NCKAP5: variants seen among roughly 807,000 people sequenced by gnomAD.
NCKAP5 encodes the protein NCK associated protein 5, also known as nck-associated protein 5.
Under a neutral mutation model 167.0 loss-of-function variants are expected in NCKAP5, and 92 were observed. The ratio of observed to expected loss-of-function variants is 0.55; its 90% CI spans 0.47 to 0.66. The LOEUF (loss-of-function observed/expected upper bound fraction) is 0.66. NCKAP5 is among the 30% of genes least tolerant of loss of function. The pLI is 0.00. For synonymous variants in NCKAP5, 891 were observed against 877.4 expected, an observed-to-expected ratio of 1.02 and a Z score of -0.27; for missense variants, 2,378 against 2,315.0, an observed-to-expected ratio of 1.03 and a Z score of -0.56.
intron 11 of NCKAP5, among the ~76,000 whole-genome samples, chr2:132,833,098 T>G (rs1281237068): frequency 1.3e-5 from 2 of 152,200 alleles, no homozygotes; most frequent in African/African-American, 4.8e-5. Context: ...ATTGTAGTTT[T>G]AATTTGCACT....
intron 16 of NCKAP5, among the ~76,000 whole-genome samples, chr2:132,735,049 A>G (rs1691377739): frequency 6.6e-6 from 1 of 152,240 alleles, no homozygotes; most frequent in South Asian, 2.1e-4. Flanking sequence ...CATGCCTGGC[A>G]TCTAGCTGGT....
At chr2:132,908,844 C>A (rs1255213529) in intron 8 of NCKAP5, among the ~76,000 whole-genome samples, 2 of 152,156 alleles carry the variant, frequency 1.3e-5, no homozygotes, top group African/African-American at 2.4e-5. Flanking sequence ...AAACATGGAT[C>A]CCTATGGCAT....
intron 3 of NCKAP5, among the ~76,000 whole-genome samples, chr2:133,357,479 C>T (rs1295800708): frequency 1.3e-5 from 2 of 152,038 alleles, no homozygotes; most frequent in African/African-American, 4.8e-5. Flanking sequence ...TTCTGTAATA[C>T]AAAATTAAAC....
chr2:132,989,928 A>G (rs1038560018), intron 7 of NCKAP5, among the ~76,000 whole-genome samples: 2 of 152,186 alleles, frequency 1.3e-5, no homozygotes, highest in Non-Finnish European at 2.9e-5. Context: ...GGAAGAAAGA[A>G]ATAAGATCCA....
the NCKAP5 span, among the ~76,000 whole-genome samples, chr2:133,631,672 T>A: frequency 3.3e-5 from 5 of 152,226 alleles, no homozygotes; most frequent in African/African-American, 1.2e-4. Context: ...ACTTAGACTT[T>A]GGAAAATGTT....
At chr2:133,603,228 C>CTT in the NCKAP5 span, among the ~76,000 whole-genome samples, 16,809 of 137,770 alleles carry the variant, frequency 0.12, 2,091 homozygotes, top group East Asian at 0.49. Flanking sequence ...CTTTTTCTTT[C>CTT]TTTTTTTTTT....
At chr2:133,375,089 G>C (rs942309635) in intron 3 of NCKAP5, among the ~76,000 whole-genome samples, 1 of 152,118 alleles carries the variant, frequency 6.6e-6, no homozygotes, top group Non-Finnish European at 1.5e-5. Flanking sequence ...GTGCTTATCT[G>C]GTAACGGAAC....
intron 3 of NCKAP5, among the ~76,000 whole-genome samples, chr2:133,375,063 A>G (rs2150925763): frequency 6.6e-6 from 1 of 152,310 alleles, no homozygotes; most frequent in East Asian, 1.9e-4. Context: ...AGCCCTGCAG[A>G]AGATGGTGGG....
At chr2:133,625,218 T>G in the NCKAP5 span, among the ~76,000 whole-genome samples, 1 of 152,216 alleles carries the variant, frequency 6.6e-6, no homozygotes, top group Admixed American at 6.5e-5. Flanking sequence ...GTAATACCAT[T>G]ATGGTTAAGT....
At chr2:133,146,634 T>C (rs1437674112) in intron 5 of NCKAP5, among the ~76,000 whole-genome samples, 1 of 152,066 alleles carries the variant, frequency 6.6e-6, no homozygotes, top group East Asian at 1.9e-4. Context: ...CAGCCAACCA[T>C]ACATCAGGTT....
chr2:133,246,532 GA>G (rs1248418050), intron 4 of NCKAP5, among the ~76,000 whole-genome samples: 1 of 152,192 alleles, frequency 6.6e-6, no homozygotes, highest in African/African-American at 2.4e-5. Flanking sequence ...CCAATTGCTG[GA>G]ATCAGTGGGT....
intron 11 of NCKAP5, among the ~76,000 whole-genome samples, chr2:132,815,674 T>C (rs1281343392): frequency 6.6e-6 from 1 of 152,180 alleles, no homozygotes; most frequent in Non-Finnish European, 1.5e-5. Context: ...TTGTGTAACA[T>C]GTGAATTACT....
At chr2:132,983,718 G>C (rs944059046) in intron 7 of NCKAP5, among the ~76,000 whole-genome samples, 4 of 152,112 alleles carry the variant, frequency 2.6e-5, no homozygotes, top group African/African-American at 7.2e-5. Flanking sequence ...GGGAGGAGGG[G>C]GGCAACTTCA....
chr2:133,350,424 T>C (rs192209201), intron 3 of NCKAP5, among the ~76,000 whole-genome samples: 4 of 152,022 alleles, frequency 2.6e-5, no homozygotes, highest in Admixed American at 2.6e-4. Context: ...AAAAAAGAAA[T>C]GAAAATATAT....
intron 5 of NCKAP5, among the ~76,000 whole-genome samples, chr2:133,153,885 G>A (rs1440154383): frequency 7.0e-6 from 1 of 143,198 alleles, no homozygotes; most frequent in Non-Finnish European, 1.5e-5. Flanking sequence ...GTCCAGGCTG[G>A]AGCGTAACGG....
rs554582592 is a variant in NCKAP5, at chr2:133,060,720, A to T, written c.342-66481T>A. Among the ~76,000 whole-genome samples the T allele has an allele frequency of 3.9e-5, 6 of 152,308 alleles. No individual in the cohort carries two copies. The East Asian group carries it at 1.2e-3, about 29-fold the overall frequency. ...ATGTACACACACGAGTAAAGAATAT[A>T]AGCTTTGCCCAAGAGGTACACTGGG... On this transcript the variant is annotated intron_variant, in intron 6 of 19. Transcript: ENST00000409261.
At chr2:132,746,031 TAATC>T (rs1476485474) in intron 16 of NCKAP5, among the ~76,000 whole-genome samples, 1 of 152,044 alleles carries the variant, frequency 6.6e-6, no homozygotes, top group African/African-American at 2.4e-5. Flanking sequence ...AATGACATTT[TAATC>T]AAAACACTAT....
intron 3 of NCKAP5, among the ~76,000 whole-genome samples, chr2:133,343,694 T>C (rs1356348047): frequency 6.6e-6 from 1 of 152,176 alleles, no homozygotes; most frequent in Non-Finnish European, 1.5e-5. Flanking sequence ...TGTAATCATA[T>C]GTAAAGGACA....
intron 4 of NCKAP5, among the ~76,000 whole-genome samples, chr2:133,296,564 A>T (rs930477999): frequency 6.6e-6 from 1 of 152,222 alleles, no homozygotes; most frequent in Admixed American, 6.5e-5. Flanking sequence ...TGACATTTGT[A>T]TTATGTAGCT....
Sources: gnomAD v4.1 joint callset for allele counts (sites outside exome capture counted in the v4.1 genomes callset) on GRCh38, gnomAD v4.1.1 for gene constraint, MANE v1.5 for transcripts, NCBI Gene and HGNC (gene_info 2026-07-23, HGNC 2026-07-21) for gene names.